The following MAMDC2 variants were observed in gnomAD, a reference collection of about 807,000 sequenced individuals.
MAMDC2 encodes the protein MAM domain containing 2.
Under a neutral mutation model 89.8 loss-of-function variants are expected in MAMDC2, and 57 were observed. The observed-to-expected ratio is 0.63, with a 90% CI of 0.51 to 0.79. The LOEUF is 0.79. Among genes scored for constraint, MAMDC2 ranks in the 30% least tolerant of loss-of-function variants. The probability of loss-of-function intolerance (pLI) is 0.00; values close to 1 mark genes in which losing one functional copy is unlikely to be tolerated. For synonymous variants in MAMDC2, 313 were observed against 293.4 expected, an observed-to-expected ratio of 1.07 and a Z score of -0.68; for missense variants, 800 against 820.6, an observed-to-expected ratio of 0.97 and a Z score of 0.31.
At chr9:70,223,472 G>A (rs2033600930) in intron 12 of MAMDC2, among the ~76,000 whole-genome samples, 2 of 152,130 alleles carry the variant, frequency 1.3e-5, no homozygotes, top group African/African-American at 4.8e-5. Context: ...TCTACACAAT[G>A]CTTGCTTTTA....
intron 2 of MAMDC2, among the ~76,000 whole-genome samples, chr9:70,058,233 A>C (rs1195976675): frequency 1.3e-5 from 2 of 152,218 alleles, no homozygotes; most frequent in Admixed American, 6.5e-5. Flanking sequence ...TATGAAGAAA[A>C]TGTTCTTTAC....
intron 12 of MAMDC2, among the ~76,000 whole-genome samples, chr9:70,218,860 T>A (rs2033499629): frequency 6.6e-6 from 1 of 152,204 alleles, no homozygotes; most frequent in Non-Finnish European, 1.5e-5. Flanking sequence ...CTTGATACAT[T>A]ATGGGTGTCA....
At chr9:70,048,767 C>A (rs1826820202) in intron 2 of MAMDC2, among the ~76,000 whole-genome samples, 1 of 152,192 alleles carries the variant, frequency 6.6e-6, no homozygotes, top group Non-Finnish European at 1.5e-5. Context: ...GGGCAGAGGT[C>A]CTTTGCCCTG....
At chr9:70,054,030 T>C (rs1214934799) in intron 2 of MAMDC2, among the ~76,000 whole-genome samples, 2 of 152,186 alleles carry the variant, frequency 1.3e-5, no homozygotes, top group Non-Finnish European at 2.9e-5. Flanking sequence ...GGCAGCTGTT[T>C]GGTTGATGGT....
chr9:70,057,618 G>A (rs1342126197), intron 2 of MAMDC2, among the ~76,000 whole-genome samples: 5 of 152,204 alleles, frequency 3.3e-5, no homozygotes, highest in Non-Finnish European at 1.5e-5. Context: ...ACACATTTAT[G>A]AGCGATCTCT....
intron 11 of MAMDC2, among the ~76,000 whole-genome samples, chr9:70,188,331 T>C (rs184302509): frequency 1.7e-3 from 262 of 152,294 alleles, no homozygotes; most frequent in African/African-American, 4.2e-3. Flanking sequence ...ATTAATAAGG[T>C]AGAATTTATG....
chr9:70,168,387 G>A (rs962314396), intron 9 of MAMDC2, among the ~76,000 whole-genome samples: 1 of 152,168 alleles, frequency 6.6e-6, no homozygotes, highest in Non-Finnish European at 1.5e-5. Context: ...AGCTACTCAG[G>A]AGGCTGAGGC....
At position 70,174,587 on chromosome 9, in the gene MAMDC2, C is replaced by CA. The variant is rs545796187; in HGVS notation, c.1651+3957dup. Reference sequence around the variant, plus strand: ...AAAGCCCCATAAGTGAAAGCATGCTCAGTGTGTCCTAGGAACAGCAAGGCG... The same window carrying CA: ...AAAGCCCCATAAGTGAAAGCATGCTCAAGTGTGTCCTAGGAACAGCAAGGCG... On this transcript the variant is annotated intron_variant, in intron 11 of 13. Coordinates refer to ENST00000377182, the MANE Select transcript of MAMDC2 (RefSeq NM_153267.5). 2.1e-4 allele frequency among the ~76,000 whole-genome samples: 32 copies of CA among 152,254 alleles called. 1 individual carries two copies. The East Asian group carries it at 4.4e-3, about 21-fold the overall frequency.
At chr9:70,170,716 C>T in intron 11 of MAMDC2, 85 bp downstream of exon 11, 1 of 1,296,482 alleles carries the variant, frequency 7.7e-7, no homozygotes, top group Admixed American at 2.9e-5. Context: ...TTGAAATGTG[C>T]AAAATTATGT....
At chr9:70,217,545 G>A in intron 11 of MAMDC2, 1 of 1,585,764 alleles carries the variant, frequency 6.3e-7, no homozygotes, top group African/African-American at 1.3e-5. Context: ...AAGCAAAAAA[G>A]GCTAAGCAAG....
chr9:70,050,319 A>G (rs1206699560), intron 2 of MAMDC2, among the ~76,000 whole-genome samples: 1 of 152,200 alleles, frequency 6.6e-6, no homozygotes, highest in Non-Finnish European at 1.5e-5. Context: ...TCACAAACAT[A>G]TCCTTAAGTG....
At chr9:70,162,147 C>T (rs1248263421) in intron 9 of MAMDC2, among the ~76,000 whole-genome samples, 2 of 152,118 alleles carry the variant, frequency 1.3e-5, no homozygotes, top group Non-Finnish European at 2.9e-5. Context: ...TGGATTAACC[C>T]AACAACCTAG....
intron 11 of MAMDC2, among the ~76,000 whole-genome samples, chr9:70,204,323 T>G (rs934963997): frequency 5.9e-5 from 9 of 151,896 alleles, no homozygotes; most frequent in African/African-American, 2.2e-4. Flanking sequence ...CTGTGTGAGG[T>G]GTCAGTGTGC....
intron 2 of MAMDC2, among the ~76,000 whole-genome samples, chr9:70,096,494 C>A (rs900970707): frequency 1.3e-5 from 2 of 152,164 alleles, no homozygotes; most frequent in Non-Finnish European, 2.9e-5. Context: ...AGTCAGCCCC[C>A]CCTTTGAGGA....
At chr9:70,210,478 T>A (rs2033330869) in intron 11 of MAMDC2, among the ~76,000 whole-genome samples, 1 of 152,208 alleles carries the variant, frequency 6.6e-6, no homozygotes, top group South Asian at 2.1e-4. Context: ...TTGTTTTCCA[T>A]TTGCTTGGTA....
chr9:70,151,157 A>G (rs997775104), intron 9 of MAMDC2, among the ~76,000 whole-genome samples: 5 of 152,140 alleles, frequency 3.3e-5, no homozygotes, highest in African/African-American at 1.2e-4. Context: ...AGCCATTCCC[A>G]TATCAAGCTG....
At chr9:70,213,797 A>G (rs895544355) in intron 11 of MAMDC2, among the ~76,000 whole-genome samples, 3 of 152,248 alleles carry the variant, frequency 2.0e-5, no homozygotes, top group African/African-American at 7.2e-5. Context: ...CAGATAGTGT[A>G]GAACTTGTCT....
chr9:70,057,975 C>A (rs1044335477), intron 2 of MAMDC2, among the ~76,000 whole-genome samples: 5 of 152,102 alleles, frequency 3.3e-5, no homozygotes, highest in Non-Finnish European at 7.3e-5. Flanking sequence ...AAAGTAGATA[C>A]CTTGATAATC....
intron 11 of MAMDC2, among the ~76,000 whole-genome samples, chr9:70,173,834 A>G (rs1048291829): frequency 6.6e-6 from 1 of 152,228 alleles, no homozygotes; most frequent in African/African-American, 2.4e-5. Flanking sequence ...GCATCAGGAC[A>G]ACCTAAGGTT....
Sources: gnomAD v4.1 joint callset for allele counts (sites outside exome capture counted in the v4.1 genomes callset) on GRCh38, gnomAD v4.1.1 for gene constraint, MANE v1.5 for transcripts, NCBI Gene and HGNC (gene_info 2026-07-23, HGNC 2026-07-21) for gene names.